G2E3: variants seen among roughly 807,000 people sequenced by gnomAD.
G2E3 encodes G2/M phase-specific E3 ubiquitin-protein ligase.
Under a neutral mutation model 92.8 loss-of-function variants are expected in G2E3, and 35 were observed. The ratio of observed to expected loss-of-function variants is 0.38; its 90% confidence interval spans 0.29 to 0.50. G2E3 has a LOEUF of 0.50. Ranked by LOEUF, G2E3 falls within the 20% of genes least tolerant of loss-of-function variation. The probability of loss-of-function intolerance (pLI) is 0.94; values close to 1 mark genes in which losing one functional copy is unlikely to be tolerated. For missense variants in G2E3, 554 were observed against 823.8 expected, an observed-to-expected ratio of 0.67 and a Z score of 4.01; for synonymous variants, 242 against 272.4, an observed-to-expected ratio of 0.89 and a Z score of 1.10.
At chr14:30,609,873 T>C (rs1411477190) in intron 12 of G2E3, among the ~76,000 whole-genome samples, 6 of 152,196 alleles carry the variant, frequency 3.9e-5, no homozygotes, top group Non-Finnish European at 7.3e-5. Flanking sequence ...CCTCTAAGAC[T>C]GACTTATTGT....
At chr14:30,577,490 A>G (rs1594473986) in intron 1 of G2E3, among the ~76,000 whole-genome samples, 1 of 152,194 alleles carries the variant, frequency 6.6e-6, no homozygotes, top group East Asian at 1.9e-4. Context: ...AGTTGCTCTC[A>G]GGCTGTTAGC....
rs1033141727 is a variant in G2E3 at position 30,597,133 on chromosome 14, G to A, written c.529-287G>A. 3.3e-5 allele frequency among the ~76,000 whole-genome samples: 5 copies of A among 151,970 alleles called. 1 individual carries two copies. The highest frequency in any genetic ancestry group is 7.4e-5 in the Non-Finnish European group (5 of 67,990). On this transcript the variant is annotated intron_variant, in intron 6 of 14. Transcript: ENST00000206595. ...ATTTTAAAGGGCAACACAACATTTA[G>A]TAACATTACACAGTAAGTAAAATGA...
At chr14:30,560,797 T>G (rs1020509534) in intron 1 of G2E3, 24 of 702,134 alleles carry the variant, frequency 3.4e-5, no homozygotes, top group African/African-American at 1.9e-4. Flanking sequence ...TCTGAATCAG[T>G]AGGTCTGGAG....
At chr14:30,602,352 C>T (rs1019269371) in intron 10 of G2E3, among the ~76,000 whole-genome samples, 1 of 46,288 alleles carries the variant, frequency 2.2e-5, no homozygotes, top group Non-Finnish European at 3.2e-5. Context: ...CTGCATCATA[C>T]GTGGGAAAAG....
chr14:30,613,139 C>A (rs1348822039), intron 13 of G2E3, among the ~76,000 whole-genome samples: 3 of 152,046 alleles, frequency 2.0e-5, no homozygotes, highest in Non-Finnish European at 4.4e-5. Context: ...TATCTCCTTA[C>A]ACTCTTACAA....
intron 2 of G2E3, among the ~76,000 whole-genome samples, chr14:30,584,132 C>G (rs76941714): frequency 6.6e-6 from 1 of 152,040 alleles, no homozygotes; most frequent in Non-Finnish European, 1.5e-5. Flanking sequence ...TATTGTGACC[C>G]TTTGTGTGTG....
chr14:30,573,749 A>C (rs1451915596), intron 1 of G2E3: 1 of 152,118 alleles, frequency 6.6e-6, no homozygotes, highest in African/African-American at 2.4e-5. Flanking sequence ...TGGACTAGCT[A>C]ATGTCTACCC....
At chr14:30,568,201 C>T (rs957495801) in intron 1 of G2E3, among the ~76,000 whole-genome samples, 3 of 152,002 alleles carry the variant, frequency 2.0e-5, no homozygotes, top group African/African-American at 7.2e-5. Context: ...AACTTAAAGC[C>T]TGTTTTGTCT....
intron 8 of G2E3, among the ~76,000 whole-genome samples, chr14:30,599,489 A>G (rs1881458716): frequency 6.6e-6 from 1 of 152,108 alleles, no homozygotes; most frequent in Non-Finnish European, 1.5e-5. Context: ...GGCCTCCCAA[A>G]GTGCTGGGAT....
At chr14:30,586,482 C>A (rs1192046104) in intron 2 of G2E3, among the ~76,000 whole-genome samples, 1 of 152,110 alleles carries the variant, frequency 6.6e-6, no homozygotes, top group South Asian at 2.1e-4. Flanking sequence ...GACGTTACTT[C>A]ATAAATTGCC....
intron 11 of G2E3, among the ~76,000 whole-genome samples, chr14:30,607,240 AAG>A (rs1186190117): frequency 6.6e-6 from 1 of 152,130 alleles, no homozygotes; most frequent in African/African-American, 2.4e-5. Context: ...TATATACACA[AAG>A]AGGTACAAGT....
chr14:30,565,921 A>C (rs1359484809), intron 1 of G2E3, among the ~76,000 whole-genome samples: 1 of 151,984 alleles, frequency 6.6e-6, no homozygotes, highest in Admixed American at 6.6e-5. Context: ...TCGGCCTCCC[A>C]AAGTGCTGGA....
intron 6 of G2E3, among the ~76,000 whole-genome samples, chr14:30,595,833 G>A (rs1410362165): frequency 6.6e-6 from 1 of 152,068 alleles, no homozygotes; most frequent in Non-Finnish European, 1.5e-5. Flanking sequence ...TGGGATTTTG[G>A]GAGAAGAGAC....
At chr14:30,607,690 A>G (rs1881895033) in intron 11 of G2E3, among the ~76,000 whole-genome samples, 198 bp from the exon 12 acceptor site, 1 of 152,136 alleles carries the variant, frequency 6.6e-6, no homozygotes, top group Admixed American at 6.6e-5. Context: ...GTTTTCTACA[A>G]TAGATTTTTA....
chr14:30,583,679 T>C (rs530317074), intron 2 of G2E3, among the ~76,000 whole-genome samples: 52 of 152,332 alleles, frequency 3.4e-4, no homozygotes, highest in African/African-American at 1.2e-3. Context: ...AAGTGGTAAA[T>C]ATGTGAAGTA....
chr14:30,608,207 G>A, intron 12 of G2E3, 138 bp downstream of exon 12: 1 of 532,722 alleles, frequency 1.9e-6, no homozygotes, highest in Non-Finnish European at 3.1e-6. Context: ...GTTTACCAGT[G>A]GAGTTCTGAA....
At chr14:30,605,359 C>A (rs2138894049) in intron 10 of G2E3, 146 bp from the exon 11 acceptor site, 1 of 440,690 alleles carries the variant, frequency 2.3e-6, no homozygotes, top group Non-Finnish European at 4.1e-6. Context: ...TAGTAGCAGC[C>A]ATTGTTACAA....
At chr14:30,589,323 T>TA (rs1252315763) in intron 3 of G2E3, 60 bp from the exon 4 acceptor site, 14 of 954,616 alleles carry the variant, frequency 1.5e-5, no homozygotes, top group East Asian at 1.2e-4. Flanking sequence ...TGGATATATA[T>TA]TTTTTTAATG....
chr14:30,616,300 G>A lies in G2E3; in HGVS notation c.1887G>A (p.Met629Ile). 1 of 1,608,052 alleles carries A rather than the reference G, an allele frequency of 6.2e-7. No individual in the cohort carries two copies. Among genetic ancestry groups the A allele is most frequent in the Non-Finnish European group, 8.5e-7 (1 of 1,175,146 alleles). The stretch of plus-strand genomic sequence containing the variant: ...CAGATGGTAAATCTACAACAACAAT[G>A]GAAGACATTCTTATTTTTGCAACTG... ...AVEDGKSTTTMEDILIFATGC... is the reference protein window; with the variant it reads ...AVEDGKSTTTIEDILIFATGC... Residue 629 changes from methionine to isoleucine, a missense_variant, in exon 15 of 15, where the codon ATG becomes ATA. Coordinates refer to ENST00000206595, the MANE Select transcript of G2E3 (RefSeq NM_017769.5).
Sources: allele counts gnomAD v4.1 joint callset (sites outside exome capture counted in the v4.1 genomes callset), GRCh38; gene constraint gnomAD v4.1.1; transcripts MANE v1.5; gene names NCBI Gene and HGNC (gene_info 2026-07-23, HGNC 2026-07-21).